Variants in FAM135B observed in about 807,000 individuals in gnomAD.
FAM135B encodes the protein family with sequence similarity 135 member B.
FAM135B carries 43 observed loss-of-function variants against 127.7 expected under a neutral mutation model. The observed-to-expected ratio is 0.34, with a 90% CI of 0.26 to 0.43. FAM135B has a LOEUF of 0.43. Among genes scored for constraint, FAM135B ranks in the 20% least tolerant of loss-of-function variants. FAM135B has a pLI of 1.00. For synonymous variants in FAM135B, 670 were observed against 665.1 expected (o/e 1.01, Z -0.11); for missense variants, 1,558 against 1,725.6 (o/e 0.90, Z 1.72).
intron 15 of FAM135B, 92 bp from the exon 16 acceptor site, chr8:138,143,201 C>A (rs1817362537): frequency 1.4e-6 from 1 of 714,870 alleles, no homozygotes; most frequent in East Asian, 2.6e-5. Context: ...AACACTGTGG[C>A]GCCTACTGGG....
intron 2 of FAM135B, among the ~76,000 whole-genome samples, chr8:138,330,232 C>T (rs969781811): frequency 1.3e-5 from 2 of 152,144 alleles, no homozygotes; most frequent in East Asian, 1.9e-4. Flanking sequence ...ATCAAAGTGT[C>T]GTGAGTTCAA....
At chr8:138,312,731 A>T (rs1826786884) in intron 2 of FAM135B, among the ~76,000 whole-genome samples, 1 of 152,174 alleles carries the variant, frequency 6.6e-6, no homozygotes, top group Non-Finnish European at 1.5e-5. Flanking sequence ...CTGCATGAAA[A>T]CACTGCATCC....
intron 1 of FAM135B, among the ~76,000 whole-genome samples, chr8:138,452,501 T>C (rs1836554982): frequency 6.6e-6 from 1 of 152,128 alleles, no homozygotes. Flanking sequence ...AATAAAAGTG[T>C]CCACACCAAG....
chr8:138,215,107 GGACATGATTAAATATCTA>G (rs1338387533), intron 7 of FAM135B, among the ~76,000 whole-genome samples: 3 of 152,142 alleles, frequency 2.0e-5, no homozygotes, highest in African/African-American at 7.2e-5. Flanking sequence ...CCATGAAGAT[GGACATGATTAAATATCTA>G]GACATGATTA....
At chr8:138,225,995 G>C (rs1407519223) in intron 7 of FAM135B, among the ~76,000 whole-genome samples, 2 of 152,126 alleles carry the variant, frequency 1.3e-5, no homozygotes, top group Admixed American at 6.5e-5. Context: ...TGTTTAATTA[G>C]AAGAGGAGAG....
At position 138,391,708 on chromosome 8, in the gene FAM135B, C is replaced by T. The variant is rs541892986; in HGVS notation, c.-19-23706G>A. ...TAGACTAATATTTACTAAGCATTCC[C>T]TCCATGTCAGGCACTGTTCTAAGGT... is the stretch of plus-strand genomic sequence containing the variant. On this transcript the variant is annotated intron_variant, in intron 1 of 19. Transcript: ENST00000395297. 2.0e-5 allele frequency among the ~76,000 whole-genome samples: 3 copies of T among 150,306 alleles called. No individual in the cohort carries two copies. In the East Asian group the frequency reaches 5.8e-4, roughly 29 times the overall value.
chr8:138,153,548 C>T (rs1818391675), intron 12 of FAM135B, among the ~76,000 whole-genome samples: 1 of 152,108 alleles, frequency 6.6e-6, no homozygotes, highest in Non-Finnish European at 1.5e-5. Context: ...CAAGGGAAGC[C>T]ATGATAGATG....
chr8:138,187,508 T>G (rs1815690376), intron 9 of FAM135B, among the ~76,000 whole-genome samples: 1 of 152,214 alleles, frequency 6.6e-6, no homozygotes, highest in Non-Finnish European at 1.5e-5. Context: ...TGCCAGAATC[T>G]AAGCCCCCAT....
intron 1 of FAM135B, among the ~76,000 whole-genome samples, chr8:138,398,828 T>C (rs1832990012): frequency 6.6e-6 from 1 of 152,178 alleles, no homozygotes; most frequent in African/African-American, 2.4e-5. Context: ...TTCATATATA[T>C]TTAGTCCTCA....
intron 3 of FAM135B, among the ~76,000 whole-genome samples, chr8:138,305,694 A>G (rs1295513941): frequency 6.6e-6 from 1 of 152,206 alleles, no homozygotes; most frequent in East Asian, 1.9e-4. Context: ...GGCATAGTAC[A>G]ATTTCTGGCT....
At chr8:138,390,416 CT>C (rs1293844096) in intron 1 of FAM135B, among the ~76,000 whole-genome samples, 1 of 152,090 alleles carries the variant, frequency 6.6e-6, no homozygotes, top group African/African-American at 2.4e-5. Context: ...TAAGATGTGC[CT>C]TTTGCCTTCT....
intron 2 of FAM135B, among the ~76,000 whole-genome samples, chr8:138,313,621 G>C (rs188246187): frequency 6.7e-6 from 1 of 149,632 alleles, no homozygotes; most frequent in Admixed American, 6.7e-5. Flanking sequence ...CTCCCACTTC[G>C]GCTCCCCAAA....
At chr8:138,226,184 T>TGTGTGTGTGTGTGCGCGCGC in intron 7 of FAM135B, among the ~76,000 whole-genome samples, 1,404 of 139,228 alleles carry the variant, frequency 0.01, 18 homozygotes, top group East Asian at 0.042. Flanking sequence ...TGTGTGTGTG[T>TGTGTGTGTGTGTGCGCGCGC]GCGCGCATGT....
chr8:138,352,653 T>G lies in FAM135B; in HGVS notation c.77+15254A>C, dbSNP rs143457431. 5.8e-3 allele frequency among the ~76,000 whole-genome samples: 880 copies of G among 152,306 alleles called. 10 individuals are homozygous for G. Among genetic ancestry groups the G allele is most frequent in the African/African-American group, 0.02 (836 of 41,574 alleles). ...GAAAGAAATCCCATTTTGGCATCCA[T>G]GCCTATGTCTTACACTTATTGCTCA... On this transcript the variant is annotated intron_variant, in intron 2 of 19. Coordinates refer to ENST00000395297, the MANE Select transcript of FAM135B (RefSeq NM_015912.4).
intron 2 of FAM135B, among the ~76,000 whole-genome samples, chr8:138,351,114 T>G (rs984455819): frequency 5.3e-5 from 8 of 152,210 alleles, no homozygotes; most frequent in Non-Finnish European, 1.5e-5. Flanking sequence ...TGCCTTTTTA[T>G]GCTTTTCCAA....
At chr8:138,342,390 T>C (rs746184761) in intron 2 of FAM135B, among the ~76,000 whole-genome samples, 1 of 152,200 alleles carries the variant, frequency 6.6e-6, no homozygotes, top group African/African-American at 2.4e-5. Context: ...TCATTGCTGC[T>C]TTGGCCTCAA....
chr8:138,455,709 A>AGG (rs1836738173), intron 1 of FAM135B, among the ~76,000 whole-genome samples: 2 of 152,230 alleles, frequency 1.3e-5, no homozygotes, highest in African/African-American at 2.4e-5. Context: ...GTAGGTGGGT[A>AGG]TGTGGGCAGA....
intron 9 of FAM135B, among the ~76,000 whole-genome samples, chr8:138,181,040 A>C (rs2131002079): frequency 6.6e-6 from 1 of 151,446 alleles, no homozygotes; most frequent in Non-Finnish European, 1.5e-5. Context: ...AGAGAACGAG[A>C]CCATCCTGGC....
intron 1 of FAM135B, chr8:138,459,562 C>A (rs1007935719): frequency 2.6e-5 from 4 of 152,152 alleles, no homozygotes; most frequent in African/African-American, 7.2e-5. Context: ...TGTATTGATT[C>A]AATACTCAAA....
Sources: gnomAD v4.1 joint callset for allele counts (sites outside exome capture counted in the v4.1 genomes callset) on GRCh38, gnomAD v4.1.1 for gene constraint, MANE v1.5 for transcripts, NCBI Gene and HGNC (gene_info 2026-07-23, HGNC 2026-07-21) for gene names.